Variants in PRMT8 observed in about 807,000 individuals in gnomAD.
PRMT8 encodes protein arginine N-methyltransferase 8.
In PRMT8, 7 loss-of-function variants were observed where a neutral mutation model predicts 47.1. The ratio of observed to expected loss-of-function variants is 0.15; its 90% CI spans 0.08 to 0.28. The LOEUF (loss-of-function observed/expected upper bound fraction) is 0.28. Ranked by LOEUF, PRMT8 falls within the 10% of genes least tolerant of loss-of-function variation. The pLI is 1.00. For synonymous variants in PRMT8, 188 were observed against 186.5 expected, an observed-to-expected ratio of 1.01 and a Z score of -0.07; for missense variants, 237 against 505.4, an observed-to-expected ratio of 0.47 and a Z score of 5.09.
At chr12:3,425,659 G>T (rs1161604018) in intron 1 of PRMT8, among the ~76,000 whole-genome samples, 1 of 152,202 alleles carries the variant, frequency 6.6e-6, no homozygotes, top group African/African-American at 2.4e-5. Flanking sequence ...TTGATTTTGG[G>T]CTTTAATTGA....
At chr12:3,520,996 G>T (rs1683767175) in intron 1 of PRMT8, among the ~76,000 whole-genome samples, 1 of 152,194 alleles carries the variant, frequency 6.6e-6, no homozygotes, top group Non-Finnish European at 1.5e-5. Context: ...AAGCTTTAGG[G>T]AACAGGCTTG....
chr12:3,541,909 C>T lies in PRMT8; in HGVS notation c.261+1118C>T, dbSNP rs117953631. On this transcript the variant is annotated intron_variant, in intron 2 of 9. Transcript: ENST00000382622. ...TTAGGCCCTTAAGAATCAAATCAAC[C>T]CTCATTCATCCTTGACGGTTTTTTT... 3.5e-3 allele frequency among the ~76,000 whole-genome samples: 540 copies of T among 152,284 alleles called. 2 individuals carry two copies. The highest frequency in any genetic ancestry group is 5.6e-3 in the Non-Finnish European group (383 of 68,026).
At chr12:3,521,959 G>A (rs374803624) in intron 1 of PRMT8, among the ~76,000 whole-genome samples, 3 of 152,076 alleles carry the variant, frequency 2.0e-5, no homozygotes, top group African/African-American at 4.8e-5. Flanking sequence ...GGGGAATTAC[G>A]GAAAGTTTAC....
intron 1 of PRMT8, among the ~76,000 whole-genome samples, chr12:3,477,269 G>A (rs188888710): frequency 2.0e-5 from 3 of 152,238 alleles, no homozygotes; most frequent in Admixed American, 6.5e-5. Flanking sequence ...TCATTCATTC[G>A]TTTATTCACT....
intron 1 of PRMT8, among the ~76,000 whole-genome samples, chr12:3,513,754 A>G (rs1438057245): frequency 6.6e-6 from 1 of 152,152 alleles, no homozygotes; most frequent in Non-Finnish European, 1.5e-5. Flanking sequence ...TGTTCTGGAG[A>G]TGAGAGCCAG....
At chr12:3,425,111 C>T (rs1864588854) in intron 1 of PRMT8, among the ~76,000 whole-genome samples, 1 of 152,228 alleles carries the variant, frequency 6.6e-6, no homozygotes, top group South Asian at 2.1e-4. Flanking sequence ...TTCAACTGGG[C>T]TCTCTGATAC....
At chr12:3,577,104 G>C in intron 7 of PRMT8, 118 bp downstream of exon 7, 1 of 814,766 alleles carries the variant, frequency 1.2e-6, no homozygotes. Flanking sequence ...GGCTGCCTTG[G>C]CCAGAGCCTG....
Position 3,593,084 on chromosome 12 carries a change from C to T in PRMT8, c.1102-15C>T. 6.2e-7 allele frequency: 1 copy of T among 1,612,864 alleles called. No homozygotes were observed. ...AGACGGCCGCCTGACCCTTCGCTCT[C>T]TCTCTGCCTTGCAGCGAGACCTCGA... On this transcript the variant is annotated splice_polypyrimidine_tract_variant and intron_variant, in intron 9 of 9. Coordinates refer to ENST00000382622, the MANE Select transcript of PRMT8 (RefSeq NM_019854.5). This position sits in a 1 kb window ranked among gnomAD's most constrained non-coding sequence, Gnocchi z 4.8.
intron 1 of PRMT8, among the ~76,000 whole-genome samples, chr12:3,448,554 A>G (rs1565410399): frequency 2.6e-5 from 4 of 152,156 alleles, no homozygotes; most frequent in Admixed American, 6.6e-5. Context: ...TGTTGTAGGA[A>G]GTTCTCCAGT....
chr12:3,498,674 C>T (rs949181524), intron 1 of PRMT8, among the ~76,000 whole-genome samples: 1 of 152,306 alleles, frequency 6.6e-6, no homozygotes, highest in Non-Finnish European at 1.5e-5. Flanking sequence ...CCTAGGCCAT[C>T]AATATTAGAT....
rs757827347 is a variant in PRMT8, at chr12:3,570,591, C to G, written c.712+1027C>G. ...TAAATGCCTCCAAGAGGCTAAGACT[C>G]CATCCACAGTTCAACAAATTGTGGC... On this transcript the variant is annotated intron_variant, in intron 6 of 9. Coordinates refer to ENST00000382622, the MANE Select transcript of PRMT8 (RefSeq NM_019854.5). This position sits in a 1 kb window ranked among gnomAD's most constrained non-coding sequence, Gnocchi z 5.5. Among the ~76,000 whole-genome samples the G allele has an allele frequency of 3.3e-5, 5 of 152,242 alleles. No homozygotes were observed. Among genetic ancestry groups the G allele is most frequent in the Non-Finnish European group, 7.3e-5 (5 of 68,050 alleles).
At chr12:3,474,200 G>A (rs1440717442) in intron 1 of PRMT8, among the ~76,000 whole-genome samples, 1 of 152,190 alleles carries the variant, frequency 6.6e-6, no homozygotes, top group South Asian at 2.1e-4. Context: ...ACATCACACG[G>A]TGAGGGGCTT....
chr12:3,550,146 CT>C lies in PRMT8; in HGVS notation c.417+56del. The C allele has an allele frequency of 6.3e-7, 1 of 1,597,232 alleles. No individual in the cohort carries two copies. The highest frequency in any genetic ancestry group is 1.1e-5 in the South Asian group (1 of 90,080). ...GCTTCCACAGAGCCAGCCTCTTGCC[CT>C]CTGCCTCCACCCGCCCTTCTAGAAG... On this transcript the variant is annotated intron_variant, in intron 3 of 9. Transcript: ENST00000382622. This position sits in a 1 kb window ranked among gnomAD's most constrained non-coding sequence, Gnocchi z 5.1.
chr12:3,408,123 C>G (rs992064416), intron 1 of PRMT8, among the ~76,000 whole-genome samples: 1 of 151,416 alleles, frequency 6.6e-6, no homozygotes, highest in Non-Finnish European at 1.5e-5. Context: ...AATATTTCTA[C>G]TTCCTTTTCC....
chr12:3,438,021 G>C lies in PRMT8; in HGVS notation c.48+56579G>C, dbSNP rs571131264. Among the ~76,000 whole-genome samples the C allele has an allele frequency of 8.5e-5, 13 of 152,250 alleles. 1 individual carries two copies. The South Asian group carries it at 2.7e-3, about 32-fold the overall frequency. ...TGGGGTCCCAAGGAGGAAGTCCTTG[G>C]AGAAATGCAGATCCAGCTTGCCCTG... On this transcript the variant is annotated intron_variant, in intron 1 of 9. Transcript: ENST00000452611.
chr12:3,570,115 G>A lies in PRMT8; in HGVS notation c.712+551G>A, dbSNP rs774364244. 5.9e-5 allele frequency among the ~76,000 whole-genome samples: 9 copies of A among 152,048 alleles called. No individual in the cohort carries two copies. Among genetic ancestry groups the A allele is most frequent in the South Asian group, 2.1e-4 (1 of 4,810 alleles). ...TGCTTTGAACAATCAAACGAAAGGC[G>A]AGTGTGCATGTGTGCATGAGGCAGG... On this transcript the variant is annotated intron_variant, in intron 6 of 9. Coordinates refer to ENST00000382622, the MANE Select transcript of PRMT8 (RefSeq NM_019854.5). The surrounding 1 kb of genome is among the most constrained non-coding windows in gnomAD (Gnocchi z 5.5).
intron 1 of PRMT8, among the ~76,000 whole-genome samples, chr12:3,479,061 G>C (rs541017318): frequency 6.6e-6 from 1 of 152,330 alleles, no homozygotes; most frequent in East Asian, 1.9e-4. Context: ...GGTACAGCAG[G>C]CTCTGACTGG....
intron 4 of PRMT8, among the ~76,000 whole-genome samples, chr12:3,558,469 A>T (rs952571294): frequency 2.0e-5 from 3 of 152,192 alleles, no homozygotes; most frequent in African/African-American, 7.2e-5. Flanking sequence ...AAACGTCATC[A>T]TTACCTAATG....
chr12:3,574,142 C>T (rs1047974057), intron 6 of PRMT8: 7 of 152,134 alleles, frequency 4.6e-5, no homozygotes, highest in African/African-American at 1.7e-4. Context: ...GAATGAATCT[C>T]AATTCAAAAA....
Sources: gnomAD v4.1 joint callset for allele counts (sites outside exome capture counted in the v4.1 genomes callset) on GRCh38, gnomAD v4.1.1 for gene constraint, Gnocchi (gnomAD v3.1) non-coding constraint, MANE v1.5 for transcripts, NCBI Gene and HGNC (gene_info 2026-07-23, HGNC 2026-07-21) for gene names.